Variants in SMYD3 observed in about 807,000 individuals in gnomAD.
SMYD3 encodes the protein histone-lysine N-methyltransferase SMYD3.
SMYD3 carries 36 observed loss-of-function variants against 57.7 expected under a neutral mutation model. That is an observed-to-expected ratio of 0.62 (90% confidence interval 0.48 to 0.82). The LOEUF is 0.82. Ranked by LOEUF, SMYD3 falls within the 40% of genes least tolerant of loss-of-function variation. SMYD3 has a pLI of 0.00. For missense variants in SMYD3, 515 were observed against 538.8 expected (o/e 0.96, Z 0.44); for synonymous variants, 211 against 195.0 (o/e 1.08, Z -0.68).
intron 1 of SMYD3, among the ~76,000 whole-genome samples, chr1:246,477,413 T>C (rs61839817): frequency 6.6e-6 from 1 of 152,226 alleles, no homozygotes; most frequent in Admixed American, 6.5e-5. Context: ...ATTCTAACAC[T>C]GTTTTTGAAA....
intron 10 of SMYD3, among the ~76,000 whole-genome samples, chr1:245,825,502 G>A (rs993866325): frequency 1.3e-5 from 2 of 152,104 alleles, no homozygotes; most frequent in Non-Finnish European, 2.9e-5. Context: ...CTCACTAGGT[G>A]GGCGGAGGGC....
chr1:246,313,385 G>C (rs1023955967), intron 5 of SMYD3, among the ~76,000 whole-genome samples: 1 of 152,084 alleles, frequency 6.6e-6, no homozygotes. Context: ...ACAGACCCTA[G>C]GACACCAACC....
rs1049707819 is a variant in SMYD3, at chr1:246,087,864, C to T, written c.532-157927G>A. Among the ~76,000 whole-genome samples the T allele has an allele frequency of 7.2e-5, 11 of 152,122 alleles. 1 individual carries two copies. Among genetic ancestry groups the T allele is most frequent in the Admixed American group, 5.2e-4 (8 of 15,272 alleles). ...TCAGTACTCCAACTGTTAACCAAAC[C>T]GCCTCCCAACTCTAACCAACTACAT... is the stretch of plus-strand genomic sequence containing the variant. On this transcript the variant is annotated intron_variant, in intron 5 of 11. Coordinates refer to ENST00000490107, the MANE Select transcript of SMYD3 (RefSeq NM_001167740.2).
At chr1:245,749,723 C>T in intron 11 of SMYD3, 59 bp from the exon 12 acceptor site, 1 of 1,318,666 alleles carries the variant, frequency 7.6e-7, no homozygotes, top group Non-Finnish European at 1.1e-6. Context: ...CAGGCCATTC[C>T]CCACCTTTAC....
chr1:246,073,866 G>A lies in SMYD3; in HGVS notation c.532-143929C>T, dbSNP rs568433353. Reference sequence around the variant, plus strand: ...GGAAAGCACAACGCCAGATACTACAGAAGTTCCGTATGACTCCATTCTGGC... The same window carrying A: ...GGAAAGCACAACGCCAGATACTACAAAAGTTCCGTATGACTCCATTCTGGC... On this transcript the variant is annotated intron_variant, in intron 5 of 11. Coordinates refer to ENST00000490107, the MANE Select transcript of SMYD3 (RefSeq NM_001167740.2). Among the ~76,000 whole-genome samples the A allele has an allele frequency of 2.6e-5, 4 of 152,218 alleles. No individual in the cohort carries two copies. In the East Asian group the frequency reaches 7.7e-4, roughly 29 times the overall value.
At position 246,212,158 on chromosome 1, in the gene SMYD3, TC is replaced by T. The variant is rs1373747537; in HGVS notation, c.531+115042del. Among the ~76,000 whole-genome samples, 3 of 152,204 alleles carry T rather than the reference TC, an allele frequency of 2.0e-5. No individual in the cohort carries two copies. In the South Asian group the frequency reaches 6.2e-4, roughly 32 times the overall value. On this transcript the variant is annotated intron_variant, in intron 5 of 11. Coordinates refer to ENST00000490107, the MANE Select transcript of SMYD3 (RefSeq NM_001167740.2). Reference sequence around the variant, plus strand: ...GGGCTGGTAAACTAAATCAACTTTTTCAAAGATAGTTAGCAATATGCAACAA... The same window carrying T: ...GGGCTGGTAAACTAAATCAACTTTTTAAAGATAGTTAGCAATATGCAACAA...
rs111598557 is a variant in SMYD3, at chr1:246,161,694, T to A, written c.531+165507A>T. Reference sequence around the variant, plus strand: ...CAAATGTATGGCTTAAAAGTATTGTTCTTCTAAAATGTAAAAAGAGAATCA... The same window carrying A: ...CAAATGTATGGCTTAAAAGTATTGTACTTCTAAAATGTAAAAAGAGAATCA... On this transcript the variant is annotated intron_variant, in intron 5 of 11. Coordinates refer to ENST00000490107, the MANE Select transcript of SMYD3 (RefSeq NM_001167740.2). Among the ~76,000 whole-genome samples, 244 of 152,364 alleles carry A rather than the reference T, an allele frequency of 1.6e-3. 1 individual carries two copies. The highest frequency in any genetic ancestry group is 5.4e-3 in the African/African-American group (226 of 41,592).
chr1:246,361,403 A>G (rs1007625908), intron 1 of SMYD3, among the ~76,000 whole-genome samples: 8 of 152,228 alleles, frequency 5.3e-5, no homozygotes, highest in Non-Finnish European at 8.8e-5. Context: ...CTAAAGAACT[A>G]AAAGTAAATC....
intron 5 of SMYD3, among the ~76,000 whole-genome samples, chr1:246,088,264 CTTCTTTCTCT>C (rs1379226050): frequency 6.6e-6 from 1 of 151,884 alleles, no homozygotes; most frequent in African/African-American, 2.4e-5. Context: ...TCCCTCTCTC[CTTCTTTCTCT>C]TTCTTTCTCT....
At chr1:246,332,177 T>C (rs971553203) in intron 3 of SMYD3, among the ~76,000 whole-genome samples, 1 of 152,210 alleles carries the variant, frequency 6.6e-6, no homozygotes, top group Admixed American at 6.5e-5. Flanking sequence ...AAAGCTGATA[T>C]AGACCATAAG....
At chr1:246,358,529 A>G (rs1421447582) in intron 1 of SMYD3, among the ~76,000 whole-genome samples, 2 of 152,222 alleles carry the variant, frequency 1.3e-5, no homozygotes, top group Admixed American at 6.5e-5. Context: ...TCATCAGCAC[A>G]TGGAAAATTC....
intron 7 of SMYD3, among the ~76,000 whole-genome samples, chr1:245,921,547 G>GTACATATATATATATATATATATA (rs1491323831): frequency 5.4e-4 from 19 of 35,080 alleles, no homozygotes; most frequent in Admixed American, 1.2e-3. Context: ...AAAAAATGTG[G>GTACATATATATATATATATATATA]TGTATATATA....
chr1:246,207,123 T>A (rs2063012453), intron 5 of SMYD3, among the ~76,000 whole-genome samples: 1 of 152,108 alleles, frequency 6.6e-6, no homozygotes, highest in African/African-American at 2.4e-5. Context: ...GTCACTTCTA[T>A]AAAGATACTG....
rs201426225 is a variant in SMYD3 at position 245,812,700 on chromosome 1, C to CAAAAAAAAA, written c.1076+45795_1076+45796insTTTTTTTTT. Among the ~76,000 whole-genome samples, 267 of 46,574 alleles carry CAAAAAAAAA rather than the reference C, an allele frequency of 5.7e-3. 6 individuals carry two copies. The highest frequency in any genetic ancestry group is 0.013 in the African/African-American group (235 of 17,938). 30.6% of individuals were successfully genotyped at this position (46,574 alleles called of 152,430 possible). On this transcript the variant is annotated intron_variant, in intron 10 of 11. Transcript: ENST00000490107. ...AAATTCTTACTTCTAAACAACAGTT[C>CAAAAAAAAA]CAAAAAAAAAAAAAAAGAGAAAGAG...
chr1:246,145,785 C>T (rs558943140), intron 5 of SMYD3, among the ~76,000 whole-genome samples: 182 of 152,258 alleles, frequency 1.2e-3, no homozygotes, highest in Middle Eastern at 3.4e-3. Flanking sequence ...AAGCATAATG[C>T]CTGGCACAAA....
chr1:246,506,993 C>CCCCCCCCCCCA, intron 1 of SMYD3, 61 bp downstream of exon 1: 1 of 884,056 alleles, frequency 1.1e-6, no homozygotes, highest in Non-Finnish European at 1.5e-6. Flanking sequence ...CCCGACGCCC[C>CCCCCCCCCCCA]CCCCTCCCCA....
At chr1:246,305,341 C>T (rs1193654752) in intron 5 of SMYD3, among the ~76,000 whole-genome samples, 1 of 152,146 alleles carries the variant, frequency 6.6e-6, no homozygotes, top group Non-Finnish European at 1.5e-5. Context: ...CTCATTTCAA[C>T]ACAAGCCTCA....
At chr1:245,767,682 G>C (rs2046172003) in intron 10 of SMYD3, among the ~76,000 whole-genome samples, 1 of 152,186 alleles carries the variant, frequency 6.6e-6, no homozygotes, top group South Asian at 2.1e-4. Context: ...GAGCATGCTG[G>C]TCCGGCCAGC....
intron 1 of SMYD3, among the ~76,000 whole-genome samples, chr1:246,371,382 T>A (rs1454261571): frequency 1.3e-5 from 2 of 152,138 alleles, no homozygotes; most frequent in Non-Finnish European, 2.9e-5. Flanking sequence ...ACAACACCCG[T>A]CCCTAAATAA....
Sources: gnomAD v4.1 joint callset for allele counts (sites outside exome capture counted in the v4.1 genomes callset) on GRCh38, gnomAD v4.1.1 for gene constraint, MANE v1.5 for transcripts, NCBI Gene and HGNC (gene_info 2026-07-23, HGNC 2026-07-21) for gene names.